The following HS3ST4 variants were observed in gnomAD, a reference collection of about 807,000 sequenced individuals.
HS3ST4 encodes heparan sulfate-glucosamine 3-sulfotransferase 4, also known as heparan sulfate glucosamine 3-O-sulfotransferase 4.
HS3ST4 carries 17 observed loss-of-function variants against 29.2 expected under a neutral mutation model. That is an observed-to-expected ratio of 0.58 (90% confidence interval 0.40 to 0.87). The LOEUF is 0.87. HS3ST4 is among the 40% of genes least tolerant of loss of function. HS3ST4 has a pLI of 0.00. For missense variants in HS3ST4, 627 were observed against 634.5 expected (o/e 0.99, Z 0.13); for synonymous variants, 314 against 285.7 (o/e 1.10, Z -1.00).
chr16:25,805,875 G>A (rs1028536793), intron 1 of HS3ST4, among the ~76,000 whole-genome samples: 1 of 151,842 alleles, frequency 6.6e-6, no homozygotes, highest in African/African-American at 2.4e-5. Context: ...TCCCCGACGG[G>A]CCCCATTGTG....
In HS3ST4 at chr16:25,809,098, C is replaced by T. The variant is rs545526799; in HGVS notation, c.734+115947C>T. Reference sequence around the variant, plus strand: ...TATAGCTTTTCTTTCTTTTCCTTCCCTTATTGCATGCCTACAACGTCTAGT... The same window carrying T: ...TATAGCTTTTCTTTCTTTTCCTTCCTTTATTGCATGCCTACAACGTCTAGT... On this transcript the variant is annotated intron_variant, in intron 1 of 1. Transcript: ENST00000331351. Among the ~76,000 whole-genome samples the T allele has an allele frequency of 6.6e-5, 10 of 152,102 alleles. No homozygotes were observed. The South Asian group carries it at 2.1e-3, about 32-fold the overall frequency.
chr16:25,775,608 G>T (rs564729910), intron 1 of HS3ST4, among the ~76,000 whole-genome samples: 61 of 152,286 alleles, frequency 4.0e-4, no homozygotes, highest in African/African-American at 1.1e-3. Flanking sequence ...CTGAATTCTT[G>T]ACTGGTCTCC....
chr16:26,039,505 GTTT>G (rs1287785018), intron 1 of HS3ST4, among the ~76,000 whole-genome samples: 5 of 152,144 alleles, frequency 3.3e-5, no homozygotes, highest in Non-Finnish European at 7.4e-5. Context: ...TGCATGAGAT[GTTT>G]TGAAACAGGC....
At chr16:26,049,852 G>T (rs1898318876) in intron 1 of HS3ST4, among the ~76,000 whole-genome samples, 2 of 152,122 alleles carry the variant, frequency 1.3e-5, no homozygotes, top group Admixed American at 1.3e-4. Flanking sequence ...AGGTTTACTG[G>T]TTTATTATAA....
intron 1 of HS3ST4, among the ~76,000 whole-genome samples, chr16:26,041,280 G>T (rs145197459): frequency 1.3e-5 from 2 of 152,150 alleles, no homozygotes; most frequent in Non-Finnish European, 2.9e-5. Flanking sequence ...AGTCAAGGCT[G>T]CAGTGAGCTA....
intron 1 of HS3ST4, among the ~76,000 whole-genome samples, chr16:26,101,309 G>A (rs1369381788): frequency 1.3e-5 from 2 of 152,156 alleles, no homozygotes; most frequent in Non-Finnish European, 2.9e-5. Flanking sequence ...GAATGCAGCC[G>A]GGAAGTTCCT....
intron 1 of HS3ST4, among the ~76,000 whole-genome samples, chr16:25,791,045 A>T (rs905959142): frequency 6.6e-6 from 1 of 151,938 alleles, no homozygotes; most frequent in African/African-American, 2.4e-5. Flanking sequence ...GCTCCAATTT[A>T]TATATGATTG....
At chr16:25,726,380 A>G (rs535421028) in intron 1 of HS3ST4, among the ~76,000 whole-genome samples, 11 of 152,322 alleles carry the variant, frequency 7.2e-5, no homozygotes, top group Non-Finnish European at 1.6e-4. Context: ...ACAGTTGAAC[A>G]TGTAAATTGC....
intron 1 of HS3ST4, among the ~76,000 whole-genome samples, chr16:25,946,813 A>G (rs1968630230): frequency 6.6e-6 from 1 of 152,092 alleles, no homozygotes; most frequent in Non-Finnish European, 1.5e-5. Context: ...TAAGTAGGCA[A>G]AGAGATAGGG....
chr16:25,842,419 C>T (rs568312145), intron 1 of HS3ST4, among the ~76,000 whole-genome samples: 15 of 152,286 alleles, frequency 9.8e-5, no homozygotes, highest in African/African-American at 2.2e-4. Flanking sequence ...TTTCAGTGAT[C>T]GTATATGCCC....
intron 1 of HS3ST4, among the ~76,000 whole-genome samples, chr16:25,701,627 C>T (rs1453748764): frequency 6.6e-6 from 1 of 152,000 alleles, no homozygotes; most frequent in African/African-American, 2.4e-5. Context: ...TGTTTGGGGA[C>T]TTGTTATTTA....
At chr16:26,043,126 C>T (rs114781518) in intron 1 of HS3ST4, among the ~76,000 whole-genome samples, 270 of 152,198 alleles carry the variant, frequency 1.8e-3, no homozygotes, top group African/African-American at 6.3e-3. Flanking sequence ...CCTACCTGTG[C>T]GTGTAGTAGC....
chr16:25,904,159 GATGA>G (rs747015223), intron 1 of HS3ST4, among the ~76,000 whole-genome samples: 17,183 of 119,910 alleles, frequency 0.14, 1,118 homozygotes, highest in African/African-American at 0.26. Context: ...TGGATGAATG[GATGA>G]ATGGATGGAT....
In HS3ST4 at chr16:26,136,206, T is replaced by C; in HGVS notation, c.1329T>C (p.Thr443=). ...TCAACTTGATGTTTTACCAAATGAC[T>C]GGTCAAGATTTTCAGTGGGAACAGG... The part of the protein sequence containing the change: ...KPFNLMFYQM[T]GQDFQWEQEE... The change falls in exon 2 of 2, where the codon ACT becomes ACC. Residue 443 remains threonine (T), a synonymous_variant. Transcript: ENST00000331351. 1.2e-6 allele frequency: 2 copies of C among 1,613,344 alleles called. No individual in the cohort carries two copies. The highest frequency in any genetic ancestry group is 1.7e-6 in the Non-Finnish European group (2 of 1,179,698).
intron 1 of HS3ST4, among the ~76,000 whole-genome samples, chr16:25,754,743 C>T (rs12929676): frequency 0.46 from 69,368 of 151,740 alleles, 17,564 homozygotes; most frequent in Non-Finnish European, 0.57. Flanking sequence ...GGAAAACCAC[C>T]CCCATGATTA....
At chr16:25,741,166 C>T (rs139962492) in intron 1 of HS3ST4, among the ~76,000 whole-genome samples, 35 of 151,916 alleles carry the variant, frequency 2.3e-4, no homozygotes, top group East Asian at 9.7e-4. Context: ...ATGTATTGTA[C>T]GCAGACTTTT....
intron 1 of HS3ST4, among the ~76,000 whole-genome samples, chr16:25,759,171 T>G (rs1966774843): frequency 6.6e-6 from 1 of 152,180 alleles, no homozygotes; most frequent in Non-Finnish European, 1.5e-5. Flanking sequence ...TTCAGGTGAC[T>G]GACAAATGAT....
chr16:25,941,188 G>T (rs1289459122), intron 1 of HS3ST4, among the ~76,000 whole-genome samples: 1 of 152,020 alleles, frequency 6.6e-6, no homozygotes, highest in Non-Finnish European at 1.5e-5. Flanking sequence ...GTTTTGAGAC[G>T]GAGTTTCGCC....
At chr16:25,921,011 A>G (rs1217732288) in intron 1 of HS3ST4, among the ~76,000 whole-genome samples, 1 of 152,122 alleles carries the variant, frequency 6.6e-6, no homozygotes, top group African/African-American at 2.4e-5. Flanking sequence ...TCGACACTCT[A>G]TCTGGGACAC....
Sources: allele counts gnomAD v4.1 joint callset (sites outside exome capture counted in the v4.1 genomes callset), GRCh38; gene constraint gnomAD v4.1.1; transcripts MANE v1.5; gene names NCBI Gene and HGNC (gene_info 2026-07-23, HGNC 2026-07-21).